The following MRAS variants were observed in gnomAD, a reference collection of about 807,000 sequenced individuals.
The protein encoded by MRAS is ras-related protein M-Ras.
A neutral mutation model predicts 20.9 loss-of-function variants in MRAS; 4 were observed. The observed-to-expected ratio is 0.19, with a 90% CI of 0.09 to 0.44. The LOEUF (loss-of-function observed/expected upper bound fraction) is 0.44, where lower values mean the gene tolerates loss of function less well. Ranked by LOEUF, MRAS falls within the 20% of genes least tolerant of loss-of-function variation. The pLI, the probability that MRAS is intolerant of heterozygous loss-of-function variation, is 0.99. For synonymous variants in MRAS, 98 were observed against 102.9 expected, an observed-to-expected ratio of 0.95 and a Z score of 0.29; for missense variants, 154 against 277.5, an observed-to-expected ratio of 0.56 and a Z score of 3.16.
intron 2 of MRAS, among the ~76,000 whole-genome samples, chr3:138,395,662 C>A (rs527391402): frequency 6.6e-6 from 1 of 152,248 alleles, no homozygotes; most frequent in Admixed American, 6.5e-5. Flanking sequence ...ACCCTCCAGC[C>A]GACTATATCA....
chr3:138,392,504 C>T, intron 2 of MRAS, among the ~76,000 whole-genome samples: 1 of 152,138 alleles, frequency 6.6e-6, no homozygotes, highest in Non-Finnish European at 1.5e-5. Context: ...TTTTAAAAAT[C>T]CTTTTTTTTG....
chr3:138,350,741 T>C (rs898766731), intron 1 of MRAS, among the ~76,000 whole-genome samples: 5 of 152,084 alleles, frequency 3.3e-5, no homozygotes, highest in Non-Finnish European at 7.4e-5. Flanking sequence ...GAGCTACTTA[T>C]AAAGTGACAA....
chr3:138,383,390 G>T lies in MRAS; in HGVS notation c.193+10314G>T, dbSNP rs113512949. Among the ~76,000 whole-genome samples, 17 of 152,274 alleles carry T rather than the reference G, an allele frequency of 1.1e-4. 1 individual carries two copies. The highest frequency in any genetic ancestry group is 4.1e-4 in the African/African-American group (17 of 41,558). On this transcript the variant is annotated intron_variant, in intron 2 of 5. Transcript: ENST00000423968. The stretch of plus-strand genomic sequence containing the variant: ...GTGCCACCCAGGCTAGAGTGCAGTG[G>T]CATGATCATAGCTTACTGCAGCCTT...
At chr3:138,398,636 A>C in intron 4 of MRAS, 68 bp downstream of exon 4, 1 of 1,378,964 alleles carries the variant, frequency 7.3e-7, no homozygotes, top group African/African-American at 1.4e-5. Flanking sequence ...TCACCCCTGC[A>C]GTCCTGGTCT....
chr3:138,371,648 A>AT (rs2054676501), intron 1 of MRAS, among the ~76,000 whole-genome samples: 1 of 151,942 alleles, frequency 6.6e-6, no homozygotes, highest in Non-Finnish European at 1.5e-5. Context: ...CCCTCCCTCG[A>AT]TTTTTGTGCT....
intron 2 of MRAS, among the ~76,000 whole-genome samples, chr3:138,391,888 C>T (rs548029910): frequency 6.6e-6 from 1 of 152,208 alleles, no homozygotes; most frequent in African/African-American, 2.4e-5. Context: ...GCCTGTAATC[C>T]CAGCACTTTG....
intron 3 of MRAS, 73 bp from the exon 4 acceptor site, chr3:138,398,396 G>A: frequency 7.8e-7 from 1 of 1,282,704 alleles, no homozygotes; most frequent in Non-Finnish European, 1.1e-6. Flanking sequence ...TGCCTGAGAT[G>A]TGAATGTGCC....
At chr3:138,351,298 G>A (rs1218560128) in intron 1 of MRAS, among the ~76,000 whole-genome samples, 1 of 152,160 alleles carries the variant, frequency 6.6e-6, no homozygotes, top group Non-Finnish European at 1.5e-5. Context: ...GAACTGAATG[G>A]GAATGCATTC....
At chr3:138,358,613 G>A (rs1280880241) in intron 1 of MRAS, among the ~76,000 whole-genome samples, 2 of 152,270 alleles carry the variant, frequency 1.3e-5, no homozygotes, top group African/African-American at 2.4e-5. Flanking sequence ...TGCCAGATAT[G>A]TGCTGGGCAT....
chr3:138,375,874 T>C (rs891511410), intron 2 of MRAS, among the ~76,000 whole-genome samples: 2 of 151,808 alleles, frequency 1.3e-5, no homozygotes, highest in Non-Finnish European at 1.5e-5. Context: ...ATATAAAAAT[T>C]AGCCTCGGGT....
At chr3:138,362,252 T>C (rs1360720113) in intron 1 of MRAS, among the ~76,000 whole-genome samples, 2 of 152,122 alleles carry the variant, frequency 1.3e-5, no homozygotes, top group African/African-American at 4.8e-5. Flanking sequence ...GTGGACAAGC[T>C]TGGGGGTGAG....
intron 2 of MRAS, among the ~76,000 whole-genome samples, chr3:138,380,810 G>T (rs1295281787): frequency 6.7e-6 from 1 of 148,410 alleles, no homozygotes; most frequent in Non-Finnish European, 1.5e-5. Context: ...TCGCTCTGTC[G>T]CCAGGCTGGA....
At chr3:138,366,070 T>A (rs769712709) in intron 1 of MRAS, among the ~76,000 whole-genome samples, 17 of 151,918 alleles carry the variant, frequency 1.1e-4, no homozygotes, top group Non-Finnish European at 4.4e-5. Flanking sequence ...GAGCGGAGAG[T>A]GAAGCCTTAA....
intron 1 of MRAS, among the ~76,000 whole-genome samples, chr3:138,366,772 T>A (rs1222429892): frequency 6.6e-6 from 1 of 152,254 alleles, no homozygotes; most frequent in Non-Finnish European, 1.5e-5. Flanking sequence ...GGGTGGGCGT[T>A]GTTGCTGCTA....
chr3:138,383,556 A>C (rs1272111119), intron 2 of MRAS, among the ~76,000 whole-genome samples: 2 of 152,078 alleles, frequency 1.3e-5, no homozygotes, highest in Non-Finnish European at 2.9e-5. Context: ...TGTATGGATG[A>C]GGGGCCACTG....
chr3:138,361,661 C>A (rs1191228214), intron 1 of MRAS, among the ~76,000 whole-genome samples: 1 of 152,156 alleles, frequency 6.6e-6, no homozygotes, highest in African/African-American at 2.4e-5. Context: ...GAGCAGAGGG[C>A]AAAGCGGAGT....
chr3:138,356,641 G>T (rs541427281), intron 1 of MRAS, among the ~76,000 whole-genome samples: 1 of 152,326 alleles, frequency 6.6e-6, no homozygotes, highest in South Asian at 2.1e-4. Context: ...GATGATAGAA[G>T]GAGGGTGGGA....
chr3:138,378,695 A>C (rs1679147), intron 2 of MRAS, among the ~76,000 whole-genome samples: 1 of 152,034 alleles, frequency 6.6e-6, no homozygotes, highest in Non-Finnish European at 1.5e-5. Context: ...GCAGAGCCAT[A>C]GAGTTTTGTG....
At chr3:138,392,920 T>C (rs1373406620) in intron 2 of MRAS, among the ~76,000 whole-genome samples, 2 of 152,226 alleles carry the variant, frequency 1.3e-5, no homozygotes, top group African/African-American at 4.8e-5. Context: ...TTTTGTTGGA[T>C]TGGTTTCATT....
Sources: gnomAD v4.1 joint callset for allele counts (sites outside exome capture counted in the v4.1 genomes callset) on GRCh38, gnomAD v4.1.1 for gene constraint, MANE v1.5 for transcripts, NCBI Gene and HGNC (gene_info 2026-07-23, HGNC 2026-07-21) for gene names.